The following TBC1D13 variants were observed in gnomAD, a reference collection of about 807,000 sequenced individuals.
The protein encoded by TBC1D13 is TBC1 domain family member 13.
A neutral mutation model predicts 53.6 loss-of-function variants in TBC1D13; 40 were observed. The ratio of observed to expected loss-of-function variants is 0.75; its 90% CI spans 0.58 to 0.97. The LOEUF (loss-of-function observed/expected upper bound fraction) is 0.97. TBC1D13 is among the 50% of genes least tolerant of loss of function. The pLI is 0.00. For synonymous variants in TBC1D13, 182 were observed against 197.7 expected (o/e 0.92, Z 0.67); for missense variants, 377 against 499.4 (o/e 0.75, Z 2.34).
intron 6 of TBC1D13, 148 bp downstream of exon 6, chr9:128,792,722 T>C (rs1394327699): frequency 1.4e-6 from 1 of 689,848 alleles, no homozygotes; most frequent in Non-Finnish European, 2.5e-6. Context: ...CCAGGCACTA[T>C]TGATGATAGG....
At chr9:128,803,839 C>G (rs535994825) in intron 8 of TBC1D13, 117 bp from the exon 9 acceptor site, 684 of 1,371,682 alleles carry the variant, frequency 5.0e-4, no homozygotes, top group Middle Eastern at 3.4e-3. Context: ...AAGGACTGAG[C>G]CAGACCATGA....
intron 6 of TBC1D13, among the ~76,000 whole-genome samples, chr9:128,794,722 G>A (rs779245168): frequency 1.3e-5 from 2 of 151,364 alleles, no homozygotes; most frequent in South Asian, 2.1e-4. Context: ...TGATCCACCC[G>A]CTTCAGCCTC....
intron 7 of TBC1D13, among the ~76,000 whole-genome samples, chr9:128,800,844 A>G (rs1829719826): frequency 6.6e-6 from 1 of 152,056 alleles, no homozygotes; most frequent in Admixed American, 6.6e-5. Flanking sequence ...ACCATCGAGT[A>G]CTTCGGTAGG....
intron 5 of TBC1D13, among the ~76,000 whole-genome samples, 175 bp downstream of exon 5, chr9:128,791,868 CAGTA>C (rs1236527105): frequency 6.6e-6 from 1 of 152,164 alleles, no homozygotes; most frequent in Non-Finnish European, 1.5e-5. Flanking sequence ...GCCCTGGGCT[CAGTA>C]AGACAAACGA....
intron 6 of TBC1D13, among the ~76,000 whole-genome samples, chr9:128,796,828 T>C (rs1375471526): frequency 1.3e-5 from 2 of 151,898 alleles, no homozygotes; most frequent in Non-Finnish European, 2.9e-5. Flanking sequence ...CCCAGCTACT[T>C]GGGAGAATGA....
chr9:128,804,719 T>TG (rs141878797), intron 9 of TBC1D13, among the ~76,000 whole-genome samples: 4,584 of 92,194 alleles, frequency 0.05, 287 homozygotes, highest in African/African-American at 0.18. Flanking sequence ...CTTTTTTTTC[T>TG]GTTTTTTTTT....
intron 9 of TBC1D13, among the ~76,000 whole-genome samples, chr9:128,805,010 T>A (rs2132553310): frequency 6.6e-6 from 1 of 152,268 alleles, no homozygotes; most frequent in South Asian, 2.1e-4. Flanking sequence ...ATTACAGGCA[T>A]GAGCCACTGT....
intron 1 of TBC1D13, among the ~76,000 whole-genome samples, chr9:128,787,615 C>G (rs59121749): frequency 6.6e-6 from 1 of 151,104 alleles, no homozygotes; most frequent in East Asian, 2.0e-4. Flanking sequence ...CCTGGTGTCC[C>G]CCTTCCCCTG....
chr9:128,790,926 C>T, intron 3 of TBC1D13, 151 bp downstream of exon 3: 1 of 743,196 alleles, frequency 1.3e-6, no homozygotes. Context: ...GTTTTCTGTT[C>T]CTCTTGGTGT....
At chr9:128,807,591 G>T (rs1375085234) in intron 11 of TBC1D13, among the ~76,000 whole-genome samples, 1 of 152,196 alleles carries the variant, frequency 6.6e-6, no homozygotes, top group African/African-American at 2.4e-5. Flanking sequence ...GGCCGCAAGA[G>T]CCTGGGAGTG....
At chr9:128,788,630 A>G (rs551958904) in intron 2 of TBC1D13, among the ~76,000 whole-genome samples, 47 of 152,326 alleles carry the variant, frequency 3.1e-4, no homozygotes, top group Middle Eastern at 3.4e-3. Flanking sequence ...CAGTGGCCAC[A>G]CTTAGCATGC....
intron 6 of TBC1D13, among the ~76,000 whole-genome samples, chr9:128,792,955 AAGAC>A (rs1206136437): frequency 2.0e-5 from 3 of 152,218 alleles, no homozygotes; most frequent in African/African-American, 7.2e-5. Flanking sequence ...GGAGGATGGC[AAGAC>A]AGACATTCAG....
intron 2 of TBC1D13, among the ~76,000 whole-genome samples, chr9:128,789,043 C>T (rs953784047): frequency 2.0e-5 from 3 of 152,264 alleles, no homozygotes; most frequent in South Asian, 2.1e-4. Flanking sequence ...AACTTCTGGC[C>T]GGGTGCCGTG....
chr9:128,797,342 T>A, intron 7 of TBC1D13, 128 bp downstream of exon 7: 1 of 986,950 alleles, frequency 1.0e-6, no homozygotes, highest in East Asian at 2.6e-5. Context: ...GCAATCCTGA[T>A]GCTGCCAGAT....
chr9:128,805,254 G>A (rs551745964), intron 9 of TBC1D13, among the ~76,000 whole-genome samples: 2 of 152,170 alleles, frequency 1.3e-5, no homozygotes, highest in African/African-American at 2.4e-5. Context: ...AGGAGCCCTC[G>A]AGGTCAAGGC....
intron 6 of TBC1D13, 76 bp from the exon 7 acceptor site, chr9:128,796,979 T>TG (rs1829641832): frequency 6.5e-7 from 1 of 1,529,198 alleles, no homozygotes; most frequent in African/African-American, 1.4e-5. Flanking sequence ...TGGGGAGTCT[T>TG]GGGGTCTCCT....
rs1554796455 is a variant in TBC1D13 at position 128,808,457 on chromosome 9, T to TGTGTGTGTGTGTGTGTGTGTGTG, written c.*578_*579insGTGTGTGTGTGTGTGTGTGTGTG. The TGTGTGTGTGTGTGTGTGTGTGTG allele has an allele frequency of 2.0e-4, 10 of 51,162 alleles. No individual in the cohort carries two copies. Among genetic ancestry groups the TGTGTGTGTGTGTGTGTGTGTGTG allele is most frequent in the East Asian group, 6.9e-4 (1 of 1,448 alleles). 3.2% of individuals were successfully genotyped at this position (51,162 alleles called of 1,614,324 possible). A position where few individuals can be genotyped will look rare whatever the true frequency, so the allele number is the denominator to read the frequency against. On this transcript the variant is annotated 3_prime_UTR_variant, in exon 12 of 12. Transcript: ENST00000372648. The stretch of plus-strand genomic sequence containing the variant: ...TGTGTGTGTGTGTGTGTGTGTGTGT[T>TGTGTGTGTGTGTGTGTGTGTGTG]AGGGAGTGAGGGTCTCTCAGGCCTC...
rs753934966 is a variant in TBC1D13 at position 128,790,760 on chromosome 9, G to A, written c.123G>A (p.Arg41=). 2.3e-5 allele frequency: 35 copies of A among 1,554,748 alleles called. No individual in the cohort carries two copies. Among genetic ancestry groups the A allele is most frequent in the Non-Finnish European group, 3.0e-5 (35 of 1,160,002 alleles). ...FSGIPCEGGL[R]CLCWKILLNY... ...GCATCCCCTGTGAGGGCGGACTGCG[G>A]TGCCTCTGCTGGAAGGTGGGTGTGC... The change falls in exon 3 of 12, where the codon CGG becomes CGA. Residue 41 remains arginine, a synonymous_variant. Transcript: ENST00000372648.
chr9:128,792,437 C>A, intron 5 of TBC1D13, 55 bp from the exon 6 acceptor site: 2 of 1,527,050 alleles, frequency 1.3e-6, no homozygotes, highest in African/African-American at 1.4e-5. Context: ...GGGATAGAAT[C>A]GGGCCCCGGG....
Sources: gnomAD v4.1 joint callset for allele counts (sites outside exome capture counted in the v4.1 genomes callset) on GRCh38, gnomAD v4.1.1 for gene constraint, MANE v1.5 for transcripts, NCBI Gene and HGNC (gene_info 2026-07-23, HGNC 2026-07-21) for gene names.